GRID2: variants seen among roughly 807,000 people sequenced by gnomAD.
The protein encoded by GRID2 is glutamate ionotropic receptor delta type subunit 2.
A neutral mutation model predicts 114.8 loss-of-function variants in GRID2; 33 were observed. The ratio of observed to expected loss-of-function variants is 0.29; its 90% CI spans 0.22 to 0.38. The LOEUF is 0.38. Ranked by LOEUF, GRID2 falls within the 10% of genes least tolerant of loss-of-function variation. GRID2 has a pLI of 1.00. For synonymous variants in GRID2, 505 were observed against 449.9 expected, an observed-to-expected ratio of 1.12 and a Z score of -1.55; for missense variants, 1,184 against 1,257.7, an observed-to-expected ratio of 0.94 and a Z score of 0.89.
At chr4:92,841,989 A>G (rs1028671407) in intron 2 of GRID2, among the ~76,000 whole-genome samples, 1 of 152,124 alleles carries the variant, frequency 6.6e-6, no homozygotes, top group Non-Finnish European at 1.5e-5. Flanking sequence ...GCCTTAATGC[A>G]ATGCTTCTGG....
At chr4:93,496,958 T>C (rs2149468316) in intron 12 of GRID2, among the ~76,000 whole-genome samples, 1 of 151,948 alleles carries the variant, frequency 6.6e-6, no homozygotes, top group South Asian at 2.1e-4. Flanking sequence ...ACTGCCCTAC[T>C]AATTTCCAGA....
intron 8 of GRID2, among the ~76,000 whole-genome samples, chr4:93,316,339 A>AGAAAGAAGGAAGGAAG (rs1192535496): frequency 1.2e-3 from 66 of 55,008 alleles, no homozygotes; most frequent in African/African-American, 3.7e-3. Flanking sequence ...AAAGAAAGAA[A>AGAAAGAAGGAAGGAAG]GAAGGAAGGA....
intron 4 of GRID2, among the ~76,000 whole-genome samples, chr4:93,195,944 T>G (rs918926286): frequency 6.6e-6 from 1 of 152,206 alleles, no homozygotes; most frequent in African/African-American, 2.4e-5. Context: ...ATGGGCTCCT[T>G]TGTCGAATTC....
At chr4:93,588,922 C>A (rs1737823798) in intron 13 of GRID2, among the ~76,000 whole-genome samples, 1 of 152,110 alleles carries the variant, frequency 6.6e-6, no homozygotes, top group African/African-American at 2.4e-5. Context: ...CCATCAAGTT[C>A]AATGGGGCAT....
At chr4:93,201,311 G>C (rs1579274045) in intron 4 of GRID2, among the ~76,000 whole-genome samples, 1 of 152,086 alleles carries the variant, frequency 6.6e-6, no homozygotes, top group Non-Finnish European at 1.5e-5. Context: ...ACTTTTAGTG[G>C]AACTAGTGTC....
intron 2 of GRID2, among the ~76,000 whole-genome samples, chr4:92,673,617 T>A (rs1733182733): frequency 6.6e-6 from 1 of 152,220 alleles, no homozygotes; most frequent in Non-Finnish European, 1.5e-5. Context: ...TTTTTAAAGA[T>A]ATTTTCCCTG....
At chr4:92,491,341 C>T (rs940307458) in intron 1 of GRID2, among the ~76,000 whole-genome samples, 4 of 152,136 alleles carry the variant, frequency 2.6e-5, no homozygotes, top group East Asian at 1.9e-4. Flanking sequence ...CTAAGAGCTC[C>T]GGTCCTGTTT....
intron 7 of GRID2, among the ~76,000 whole-genome samples, chr4:93,233,489 C>T (rs1029347845): frequency 9.2e-5 from 14 of 151,640 alleles, no homozygotes; most frequent in Non-Finnish European, 1.3e-4. Flanking sequence ...ATTACAGGCG[C>T]GCACCACCAC....
intron 2 of GRID2, among the ~76,000 whole-genome samples, chr4:92,718,150 T>A (rs887394428): frequency 6.6e-6 from 1 of 151,858 alleles, no homozygotes; most frequent in African/African-American, 2.4e-5. Context: ...ACAAATACAA[T>A]CTCATAAGGA....
Position 93,608,172 on chromosome 4 carries a change from G to T in GRID2, c.2194-18097G>T, listed in dbSNP as rs183438875. ...TACATATATACACATATGTATTCTG[G>T]ATTTAATAAGTTGGTTAAAAATTCC... is the stretch of plus-strand genomic sequence containing the variant. On this transcript the variant is annotated intron_variant, in intron 13 of 15. Coordinates refer to ENST00000282020, the MANE Select transcript of GRID2 (RefSeq NM_001510.4). Among the ~76,000 whole-genome samples the T allele has an allele frequency of 4.0e-3, 599 of 149,090 alleles. 4 individuals carry two copies. The highest frequency in any genetic ancestry group is 0.014 in the African/African-American group (557 of 40,766).
chr4:93,703,816 G>A (rs1186590111), intron 14 of GRID2, among the ~76,000 whole-genome samples: 1 of 151,990 alleles, frequency 6.6e-6, no homozygotes, highest in Non-Finnish European at 1.5e-5. Flanking sequence ...CCCTACAAAG[G>A]ACATGAGCTC....
chr4:93,661,858 C>T (rs1472206308), intron 14 of GRID2, among the ~76,000 whole-genome samples: 1 of 152,108 alleles, frequency 6.6e-6, no homozygotes, highest in African/African-American at 2.4e-5. Context: ...TTATATAAAC[C>T]GTAAGTGAGA....
intron 8 of GRID2, among the ~76,000 whole-genome samples, chr4:93,336,659 A>G (rs1451511640): frequency 5.3e-5 from 8 of 152,186 alleles, no homozygotes; most frequent in Non-Finnish European, 1.0e-4. Flanking sequence ...CACTCTCAAC[A>G]GTAGCATGTA....
At chr4:93,733,450 T>G (rs1158206832) in intron 14 of GRID2, among the ~76,000 whole-genome samples, 1 of 152,138 alleles carries the variant, frequency 6.6e-6, no homozygotes, top group Non-Finnish European at 1.5e-5. Flanking sequence ...GCTTCTGAAA[T>G]GGCCTGCCTG....
At chr4:92,792,800 CTAAT>C (rs1374153532) in intron 2 of GRID2, among the ~76,000 whole-genome samples, 13 of 151,326 alleles carry the variant, frequency 8.6e-5, no homozygotes, top group Admixed American at 4.0e-4. Flanking sequence ...GAGTACTAAA[CTAAT>C]TGAGTATTCA....
Position 92,713,478 on chromosome 4 carries a change from T to TATAC in GRID2, c.244+123195_244+123196insCATA, listed in dbSNP as rs1553919729. ...ACATATATTTACATATACATATACA[T>TATAC]ATATATATATATATATATATATATA... On this transcript the variant is annotated intron_variant, in intron 2 of 15. Transcript: ENST00000282020. Among the ~76,000 whole-genome samples, 79 of 35,350 alleles carry TATAC rather than the reference T, an allele frequency of 2.2e-3. 1 individual carries two copies. Among genetic ancestry groups the TATAC allele is most frequent in the South Asian group, 0.013 (17 of 1,346 alleles). 23.2% of individuals were successfully genotyped at this position (35,350 alleles called of 152,430 possible). A position where few individuals can be genotyped will look rare whatever the true frequency, so the allele number is the denominator to read the frequency against.
intron 8 of GRID2, among the ~76,000 whole-genome samples, chr4:93,256,884 A>C (rs935565231): frequency 1.3e-5 from 2 of 151,872 alleles, no homozygotes; most frequent in African/African-American, 4.8e-5. Flanking sequence ...CTTATGCATA[A>C]GTAGTGACAT....
At position 92,304,530 on chromosome 4, in the gene GRID2, C is replaced by T; in HGVS notation, c.-127C>T. Reference sequence around the variant, plus strand: ...GCGACGATAAAAGGCTTTGCTCTGGCAATAGGAATTTAGAAAAAAAGAAAA... The same window carrying T: ...GCGACGATAAAAGGCTTTGCTCTGGTAATAGGAATTTAGAAAAAAAGAAAA... On this transcript the variant is annotated 5_prime_UTR_variant, in exon 1 of 16. Coordinates refer to ENST00000282020, the MANE Select transcript of GRID2 (RefSeq NM_001510.4). 1.4e-6 allele frequency: 1 copy of T among 690,894 alleles called. No individual in the cohort carries two copies. Among genetic ancestry groups the T allele is most frequent in the African/African-American group, 1.8e-5 (1 of 54,782 alleles). The allele number at this position is 690,894 out of a possible 1,614,324, so 42.8% of individuals were successfully genotyped here.
chr4:92,782,279 G>A (rs1030972234), intron 2 of GRID2, among the ~76,000 whole-genome samples: 1 of 152,066 alleles, frequency 6.6e-6, no homozygotes, highest in Non-Finnish European at 1.5e-5. Context: ...TGCTAAAATT[G>A]TATCATTAAT....
Sources: gnomAD v4.1 joint callset for allele counts (sites outside exome capture counted in the v4.1 genomes callset) on GRCh38, gnomAD v4.1.1 for gene constraint, MANE v1.5 for transcripts, NCBI Gene and HGNC (gene_info 2026-07-23, HGNC 2026-07-21) for gene names.